The following TIMM23B variants were observed in gnomAD, a reference collection of about 807,000 sequenced individuals.
TIMM23B encodes mitochondrial import inner membrane translocase subunit Tim23B.
Under a neutral mutation model 27.3 loss-of-function variants are expected in TIMM23B, and 27 were observed. The observed-to-expected ratio is 0.99, with a 90% CI of 0.73 to 1.36. TIMM23B has a LOEUF of 1.36. TIMM23B is among the 40% of genes most tolerant of loss of function. TIMM23B has a pLI of 0.00. For missense variants in TIMM23B, 205 were observed against 244.2 expected (o/e 0.84, Z 1.07); for synonymous variants, 73 against 92.4 (o/e 0.79, Z 1.21).
At chr10:49,971,607 C>T (rs1359531823) in intron 6 of TIMM23B, among the ~76,000 whole-genome samples, 1 of 152,236 alleles carries the variant, frequency 6.6e-6, no homozygotes, top group African/African-American at 2.4e-5. Flanking sequence ...TCATTTATAT[C>T]CCTTACTTTA....
chr10:49,959,774 G>A (rs1839836637), intron 6 of TIMM23B, among the ~76,000 whole-genome samples: 1 of 150,168 alleles, frequency 6.7e-6, no homozygotes, highest in Admixed American at 6.7e-5. Flanking sequence ...TTTTTGAGAT[G>A]GAGTCTTGGT....
Position 49,952,510 on chromosome 10 carries a change from C to G in TIMM23B, c.321C>G (p.Ala107=). The G allele has an allele frequency of 1.2e-6, 2 of 1,612,932 alleles. No homozygotes were observed. Among genetic ancestry groups the G allele is most frequent in the African/African-American group, 1.3e-5 (1 of 74,902 alleles). ...RLGLKETQNM[A]WSKPGNVQIL... ...GATTGAAGGAAACCCAGAACATGGC[C>G]TGGTCCAAACCAGGAAATGTACAGT... is the stretch of plus-strand genomic sequence containing the variant. The change falls in exon 4 of 7, where the codon GCC becomes GCG. Residue 107 remains alanine, a synonymous_variant. Coordinates refer to ENST00000651259, the MANE Select transcript of TIMM23B (RefSeq NM_001290117.2).
At chr10:49,947,804 C>T (rs1373363249) in intron 2 of TIMM23B, among the ~76,000 whole-genome samples, 3 of 152,132 alleles carry the variant, frequency 2.0e-5, no homozygotes, top group Non-Finnish European at 2.9e-5. Context: ...GTGGTATGCA[C>T]CTGTAGTCCC....
At chr10:49,942,588 G>A (rs1839161583) in intron 1 of TIMM23B, among the ~76,000 whole-genome samples, 1 of 152,126 alleles carries the variant, frequency 6.6e-6, no homozygotes, top group African/African-American at 2.4e-5. Context: ...TGTGTGTGGT[G>A]GGCCGTGTGA....
chr10:49,942,701 G>A (rs1369559595), intron 1 of TIMM23B, among the ~76,000 whole-genome samples: 11 of 152,170 alleles, frequency 7.2e-5, no homozygotes, highest in Non-Finnish European at 1.5e-4. Flanking sequence ...GAGCCTCCAA[G>A]TAGCCGTAAG....
In TIMM23B at chr10:49,973,334, T is replaced by C. The variant is rs1467848641; in HGVS notation, c.*270T>C. On this transcript the variant is annotated 3_prime_UTR_variant, in exon 7 of 7. Transcript: ENST00000651259. ...TAAATTAGTAATTTCTGAACTATTA[T>C]TTATCAATTCATTGCCTACATGTCA... The C allele has an allele frequency of 2.2e-6, 1 of 458,050 alleles. No homozygotes were observed. Among genetic ancestry groups the C allele is most frequent in the Non-Finnish European group, 3.8e-6 (1 of 261,352 alleles). The allele number at this position is 458,050 out of a possible 1,614,324, so 28.4% of individuals were successfully genotyped here. A position where few individuals can be genotyped will look rare whatever the true frequency, so the allele number is the denominator to read the frequency against.
intron 3 of TIMM23B, 52 bp from the exon 4 acceptor site, chr10:49,952,397 T>C: frequency 6.3e-7 from 1 of 1,581,530 alleles, no homozygotes; most frequent in South Asian, 1.2e-5. Flanking sequence ...TTTTGAGGTT[T>C]TTTTTTTAAT....
chr10:49,942,353 C>T, intron 1 of TIMM23B, 53 bp downstream of exon 1: 10 of 1,569,546 alleles, frequency 6.4e-6, no homozygotes, highest in South Asian at 4.6e-5. Flanking sequence ...TGCGTTTACA[C>T]TAAAGTTGCG....
At chr10:49,950,023 A>C (rs1413534501) in intron 2 of TIMM23B, among the ~76,000 whole-genome samples, 1 of 151,966 alleles carries the variant, frequency 6.6e-6, no homozygotes, top group Non-Finnish European at 1.5e-5. Context: ...TCTCTCACTA[A>C]TGCTTTTGTA....
chr10:49,955,086 A>G (rs1839669834), intron 5 of TIMM23B, 26 bp downstream of exon 5: 1 of 1,608,600 alleles, frequency 6.2e-7, no homozygotes, highest in Non-Finnish European at 8.5e-7. Context: ...GTTTGATAAT[A>G]AATTGTTAAC....
intron 1 of TIMM23B, among the ~76,000 whole-genome samples, chr10:49,944,229 G>A (rs1418632510): frequency 1.3e-5 from 2 of 152,216 alleles, no homozygotes; most frequent in African/African-American, 4.8e-5. Flanking sequence ...AGGGGTAAGA[G>A]AAAGCAAGGA....
At chr10:49,957,370 T>C (rs1839759483) in intron 5 of TIMM23B, among the ~76,000 whole-genome samples, 1 of 151,728 alleles carries the variant, frequency 6.6e-6, no homozygotes, top group Non-Finnish European at 1.5e-5. Context: ...CCTCAGCCTT[T>C]CAAGGAGCTG....
chr10:49,971,174 A>G (rs1310550047), intron 6 of TIMM23B, among the ~76,000 whole-genome samples: 1 of 152,230 alleles, frequency 6.6e-6, no homozygotes, highest in Non-Finnish European at 1.5e-5. Context: ...TCAAGTACCC[A>G]GGGACACAAA....
At chr10:49,946,062 T>C (rs1435745588) in intron 2 of TIMM23B, among the ~76,000 whole-genome samples, 2 of 152,108 alleles carry the variant, frequency 1.3e-5, no homozygotes, top group Non-Finnish European at 2.9e-5. Flanking sequence ...TGGTGGTGCC[T>C]ACCTGTAATC....
intron 4 of TIMM23B, among the ~76,000 whole-genome samples, chr10:49,953,337 G>A (rs1183502250): frequency 0.014 from 2,205 of 152,230 alleles, 25 homozygotes; most frequent in Non-Finnish European, 0.02. Flanking sequence ...GAAACTGGAA[G>A]GCCTGTTAAA....
At chr10:49,946,990 A>G (rs1270904739) in intron 2 of TIMM23B, among the ~76,000 whole-genome samples, 1 of 152,354 alleles carries the variant, frequency 6.6e-6, no homozygotes, top group East Asian at 1.9e-4. Flanking sequence ...ACCTTATACA[A>G]TATACGCAGT....
intron 6 of TIMM23B, among the ~76,000 whole-genome samples, chr10:49,966,428 TGAA>T (rs1564689263): frequency 6.8e-6 from 1 of 147,756 alleles, no homozygotes; most frequent in Admixed American, 6.7e-5. Context: ...TGCAATGAAA[TGAA>T]GAAATGAAAT....
At chr10:49,967,424 T>G (rs1251782521) in intron 6 of TIMM23B, among the ~76,000 whole-genome samples, 28 of 152,098 alleles carry the variant, frequency 1.8e-4, no homozygotes, top group African/African-American at 6.0e-4. Context: ...GTGCCCTGTC[T>G]TCTTGGGTCT....
intron 4 of TIMM23B, 129 bp downstream of exon 4, chr10:49,952,662 A>C (rs1839572813): frequency 8.8e-7 from 1 of 1,131,924 alleles, no homozygotes; most frequent in Non-Finnish European, 1.2e-6. Flanking sequence ...TTTGTTTTTT[A>C]ATCTTAATCA....
Sources: gnomAD v4.1 joint callset for allele counts (sites outside exome capture counted in the v4.1 genomes callset) on GRCh38, gnomAD v4.1.1 for gene constraint, MANE v1.5 for transcripts, NCBI Gene and HGNC (gene_info 2026-07-23, HGNC 2026-07-21) for gene names.